SLCO5A1: variants seen among roughly 807,000 people sequenced by gnomAD.
SLCO5A1 encodes organic anion transporter polypeptide-related protein 4.
In SLCO5A1, 39 loss-of-function variants were observed where a neutral mutation model predicts 65.1. The ratio of observed to expected loss-of-function variants is 0.60; its 90% CI spans 0.46 to 0.78. The LOEUF is 0.78. Ranked by LOEUF, SLCO5A1 falls within the 30% of genes least tolerant of loss-of-function variation. The pLI, the probability that SLCO5A1 is intolerant of heterozygous loss-of-function variation, is 0.00. For synonymous variants in SLCO5A1, 438 were observed against 415.7 expected (o/e 1.05, Z -0.65); for missense variants, 1,029 against 1,069.4 (o/e 0.96, Z 0.53).
intron 4 of SLCO5A1, among the ~76,000 whole-genome samples, chr8:69,739,694 C>A (rs35336992): frequency 6.6e-6 from 1 of 151,862 alleles, no homozygotes; most frequent in African/African-American, 2.4e-5. Context: ...AATTTAATTT[C>A]TAAAGTTTAA....
chr8:69,721,210 G>T (rs546806319), intron 5 of SLCO5A1, among the ~76,000 whole-genome samples: 2 of 152,288 alleles, frequency 1.3e-5, no homozygotes, highest in Admixed American at 6.5e-5. Flanking sequence ...GAGGACAGGA[G>T]TCTGTGATGG....
At chr8:69,833,708 T>C (rs909637627) in intron 1 of SLCO5A1, 1 of 152,178 alleles carries the variant, frequency 6.6e-6, no homozygotes, top group Non-Finnish European at 1.5e-5. Flanking sequence ...GCGACTAGAT[T>C]TGAATCTGTC....
At chr8:69,806,232 G>T (rs1819983238) in intron 2 of SLCO5A1, among the ~76,000 whole-genome samples, 1 of 152,160 alleles carries the variant, frequency 6.6e-6, no homozygotes, top group African/African-American at 2.4e-5. Context: ...CATCCTTTAA[G>T]CCTTGGCTTA....
chr8:69,810,968 G>C (rs1442514000), intron 2 of SLCO5A1, among the ~76,000 whole-genome samples: 1 of 152,160 alleles, frequency 6.6e-6, no homozygotes, highest in Non-Finnish European at 1.5e-5. Flanking sequence ...GCCTCTATGA[G>C]AGAAGTTAGG....
intron 2 of SLCO5A1, chr8:69,794,538 C>G (rs1819405316): frequency 2.6e-6 from 1 of 379,360 alleles, no homozygotes; most frequent in Admixed American, 3.1e-5. Context: ...TTTCAGCTCT[C>G]TATGTGGATC....
intron 5 of SLCO5A1, among the ~76,000 whole-genome samples, chr8:69,706,694 C>T (rs952126309): frequency 3.9e-5 from 6 of 152,210 alleles, no homozygotes; most frequent in African/African-American, 9.7e-5. Flanking sequence ...ACCTCCAGAA[C>T]TGTGAGAAAT....
chr8:69,729,446 C>CAAAAAAAA (rs56392223), intron 5 of SLCO5A1, among the ~76,000 whole-genome samples: 28 of 80,516 alleles, frequency 3.5e-4, no homozygotes, highest in Admixed American at 5.9e-4. Context: ...TCCGTCCCAA[C>CAAAAAAAA]AAAAAAAAAA....
At chr8:69,795,981 CTT>C (rs893881977) in intron 2 of SLCO5A1, among the ~76,000 whole-genome samples, 1 of 152,208 alleles carries the variant, frequency 6.6e-6, no homozygotes, top group African/African-American at 2.4e-5. Flanking sequence ...ACCTGGGACT[CTT>C]TGAGGCATGG....
At chr8:69,772,533 G>GA (rs1335883489) in intron 2 of SLCO5A1, among the ~76,000 whole-genome samples, 3 of 128,056 alleles carry the variant, frequency 2.3e-5, no homozygotes, top group Non-Finnish European at 4.9e-5. Flanking sequence ...AAAAAGAAAA[G>GA]AAAAAAAAGG....
Position 69,673,357 on chromosome 8 carries a change from G to A in SLCO5A1, c.2090-31C>T, listed in dbSNP as rs373882197. ...GGGGTGGAGAAGAAGAAAATACGAA[G>A]ACTTAGCACATCTTCCAAGGGAAAA... On this transcript the variant is annotated intron_variant, in intron 9 of 9. Coordinates refer to ENST00000260126, the MANE Select transcript of SLCO5A1 (RefSeq NM_030958.3). 9 of 1,561,670 alleles carry A rather than the reference G, an allele frequency of 5.8e-6. No individual in the cohort carries two copies. In the East Asian group the frequency reaches 2.0e-4, roughly 35 times the overall value.
At chr8:69,758,937 C>T (rs369021743) in intron 3 of SLCO5A1, among the ~76,000 whole-genome samples, 23 of 152,254 alleles carry the variant, frequency 1.5e-4, no homozygotes, top group African/African-American at 5.5e-4. Flanking sequence ...GTTTCTTTTC[C>T]CAGCTCTCAC....
chr8:69,819,939 G>C (rs549897341), intron 2 of SLCO5A1, among the ~76,000 whole-genome samples: 1 of 152,222 alleles, frequency 6.6e-6, no homozygotes, highest in East Asian at 1.9e-4. Context: ...CTCCAGCCTG[G>C]GTGGCAGAGC....
chr8:69,804,765 A>G (rs1819919329), intron 2 of SLCO5A1, among the ~76,000 whole-genome samples: 1 of 152,200 alleles, frequency 6.6e-6, no homozygotes, highest in Non-Finnish European at 1.5e-5. Context: ...TACCCACTCC[A>G]CCTTACACCT....
intron 2 of SLCO5A1, among the ~76,000 whole-genome samples, chr8:69,788,567 C>T (rs1586801277): frequency 1.3e-5 from 2 of 152,212 alleles, no homozygotes; most frequent in East Asian, 3.9e-4. Context: ...AAACATATTA[C>T]TCTAAGAATT....
At chr8:69,802,432 G>A (rs1450747746) in intron 2 of SLCO5A1, among the ~76,000 whole-genome samples, 2 of 151,742 alleles carry the variant, frequency 1.3e-5, no homozygotes, top group Admixed American at 6.6e-5. Flanking sequence ...CTTGAACCCC[G>A]GAAGTCAAGG....
intron 6 of SLCO5A1, among the ~76,000 whole-genome samples, chr8:69,695,211 G>T (rs1814444170): frequency 6.6e-6 from 1 of 152,100 alleles, no homozygotes; most frequent in Non-Finnish European, 1.5e-5. Flanking sequence ...TAAACTAAAG[G>T]TTGCCAGGCA....
intron 2 of SLCO5A1, among the ~76,000 whole-genome samples, chr8:69,772,668 CT>C (rs1233580235): frequency 7.5e-6 from 1 of 134,116 alleles, no homozygotes; most frequent in African/African-American, 3.0e-5. Flanking sequence ...AGAAATGATT[CT>C]GGAGCTCCTA....
At chr8:69,678,479 T>C (rs2130786060) in intron 8 of SLCO5A1, among the ~76,000 whole-genome samples, 1 of 152,366 alleles carries the variant, frequency 6.6e-6, no homozygotes, top group South Asian at 2.1e-4. Context: ...TAATCACTTA[T>C]GTCTTTAGAT....
chr8:69,727,937 A>G (rs2130833092), intron 5 of SLCO5A1, among the ~76,000 whole-genome samples: 2 of 152,316 alleles, frequency 1.3e-5, no homozygotes, highest in Middle Eastern at 6.8e-3. Flanking sequence ...GGGCAATCAG[A>G]TAGTTTAAAA....
Sources: gnomAD v4.1 joint callset for allele counts (sites outside exome capture counted in the v4.1 genomes callset) on GRCh38, gnomAD v4.1.1 for gene constraint, MANE v1.5 for transcripts, NCBI Gene and HGNC (gene_info 2026-07-23, HGNC 2026-07-21) for gene names.